The following LEPROT variants were observed in gnomAD, a reference collection of about 807,000 sequenced individuals.
LEPROT encodes the protein leptin receptor overlapping transcript, also known as leptin receptor gene-related protein.
Under a neutral mutation model 15.4 loss-of-function variants are expected in LEPROT, and 3 were observed. The observed-to-expected ratio is 0.19, with a 90% confidence interval of 0.09 to 0.50. The LOEUF is 0.50. Among genes scored for constraint, LEPROT ranks in the 20% least tolerant of loss-of-function variants. The pLI is 0.97. For synonymous variants in LEPROT, 59 were observed against 57.5 expected (o/e 1.03, Z -0.12); for missense variants, 137 against 162.2 (o/e 0.84, Z 0.84).
rs567817793 is a variant in LEPROT, at chr1:65,425,507, A to T, written c.92+129A>T. 93 of 673,442 alleles carry T rather than the reference A, an allele frequency of 1.4e-4. No individual in the cohort carries two copies. The African/African-American group carries it at 1.6e-3, about 12-fold the overall frequency. 41.7% of individuals were successfully genotyped at this position (673,442 alleles called of 1,614,324 possible). A position where few individuals can be genotyped will look rare whatever the true frequency, so the allele number is the denominator to read the frequency against. ...TGAGTTAGTGGAGCCCAGTTTATGA[A>T]CACAGTCCCTTTGTGGGTCAGGTGT... On this transcript the variant is annotated intron_variant, in intron 2 of 3. Transcript: ENST00000371065.
chr1:65,431,847 C>A lies in LEPROT; in HGVS notation c.324C>A (p.Val108=). The A allele has an allele frequency of 1.2e-6, 2 of 1,614,010 alleles. No individual in the cohort carries two copies. The highest frequency in any genetic ancestry group is 1.1e-5 in the South Asian group (1 of 91,032). The change falls in exon 4 of 4, where the codon GTC becomes GTA. Residue 108 remains valine (V), a synonymous_variant. Coordinates refer to ENST00000371065, the MANE Select transcript of LEPROT (RefSeq NM_017526.5). ...ACGLVLAGNA[V]IFLTIQGFFL... ...GCCTTGTGTTGGCAGGCAATGCAGT[C>A]ATTTTCCTTACAATTCAAGGGTTTT...
Position 65,435,694 on chromosome 1 carries a change from A to G in LEPROT, c.*3775A>G, listed in dbSNP as rs1646552745. 1.0e-6 allele frequency: 1 copy of G among 985,314 alleles called. No individual in the cohort carries two copies. The highest frequency in any genetic ancestry group is 1.2e-6 in the Non-Finnish European group (1 of 829,934). 61.0% of individuals were successfully genotyped at this position (985,314 alleles called of 1,614,324 possible). ...AATGTGCCTTTGCAAAGTTTGCGAA[A>G]TCAGATTTTGTATCCCAATAGAACC... On this transcript the variant is annotated 3_prime_UTR_variant, in exon 4 of 4. Coordinates refer to ENST00000371065, the MANE Select transcript of LEPROT (RefSeq NM_017526.5).
In LEPROT at chr1:65,429,938, T is replaced by A. The variant is rs1488169996; in HGVS notation, c.169T>A (p.Tyr57Asn). 2 of 1,570,202 alleles carry A rather than the reference T, an allele frequency of 1.3e-6. No individual in the cohort carries two copies. The change falls in exon 3 of 4, where the codon TAT (tyrosine) becomes AAT (asparagine). Residue 57 changes from tyrosine to asparagine, a missense_variant. Tyr to Asn is a moderately radical substitution (Grantham distance 143, BLOSUM62 -2). Coordinates refer to ENST00000371065, the MANE Select transcript of LEPROT (RefSeq NM_017526.5). ...IPHFIAKRVT[Y>N]DSDATSSACR... is the part of the protein sequence containing the mutation. Reference sequence around the variant, plus strand: ...CCATTTCATTGCCAAAAGAGTCACCTATGACTCAGATGCAACCAGTAGTGC... The same window carrying A: ...CCATTTCATTGCCAAAAGAGTCACCAATGACTCAGATGCAACCAGTAGTGC...
At chr1:65,430,444 A>G (rs1055345348) in intron 3 of LEPROT, 12 of 156,086 alleles carry the variant, frequency 7.7e-5, no homozygotes, top group Admixed American at 6.5e-4. Context: ...TCAACTCAGT[A>G]TAATAGGTAT....
rs145121923 is a variant in LEPROT, at chr1:65,432,606, A to T, written c.*687A>T. 9.9e-5 allele frequency: 97 copies of T among 984,106 alleles called. No individual in the cohort carries two copies. Among genetic ancestry groups the T allele is most frequent in the Middle Eastern group, 5.2e-4 (1 of 1,914 alleles). The allele number at this position is 984,106 out of a possible 1,614,324, so 61.0% of individuals were successfully genotyped here. ...AGTCTCACCTGCTTTCATGCTGAGG[A>T]CAAGTTCAGATGTTCAAGCCTATAA... On this transcript the variant is annotated 3_prime_UTR_variant, in exon 4 of 4. Coordinates refer to ENST00000371065, the MANE Select transcript of LEPROT (RefSeq NM_017526.5).
chr1:65,430,158 G>A (rs991957788), intron 3 of LEPROT, 110 bp downstream of exon 3: 34 of 982,078 alleles, frequency 3.5e-5, no homozygotes, highest in African/African-American at 5.0e-5. Flanking sequence ...ACTCAAGGCC[G>A]TGTGTTTTTA....
intron 1 of LEPROT, 24 bp downstream of exon 1, chr1:65,420,764 T>C (rs1224163577): frequency 2.5e-6 from 4 of 1,576,336 alleles, no homozygotes; most frequent in South Asian, 2.3e-5. Context: ...CCCGGCTCGC[T>C]TGTCGTGTGG....
chr1:65,432,085 T>G lies in LEPROT; in HGVS notation c.*166T>G, dbSNP rs1465528288. On this transcript the variant is annotated 3_prime_UTR_variant, in exon 4 of 4. Coordinates refer to ENST00000371065, the MANE Select transcript of LEPROT (RefSeq NM_017526.5). ...CTTCATAAGTAGGAGATGAGTTTTA[T>G]TCTCAGCAAATAGACCTGTCAAATT... is the stretch of plus-strand genomic sequence containing the variant. 10 of 1,336,894 alleles carry G rather than the reference T, an allele frequency of 7.5e-6. No individual in the cohort carries two copies. In the African/African-American group the frequency reaches 1.4e-4, roughly 18 times the overall value. 82.8% of individuals were successfully genotyped at this position (1,336,894 alleles called of 1,614,324 possible).
Position 65,421,231 on chromosome 1 carries a change from A to T in LEPROT, c.16+491A>T, listed in dbSNP as rs891026229. On this transcript the variant is annotated intron_variant, in intron 1 of 3. Coordinates refer to ENST00000371065, the MANE Select transcript of LEPROT (RefSeq NM_017526.5). ...TTGACCGCGGGCGGGTGTCAATGGA[A>T]AGCACCCAGAAAGACGGTGTTTCTC... The T allele has an allele frequency of 4.5e-6, 6 of 1,319,648 alleles. No individual in the cohort carries two copies. The South Asian group carries it at 8.2e-5, about 18-fold the overall frequency. 81.7% of individuals were successfully genotyped at this position (1,319,648 alleles called of 1,614,324 possible).
chr1:65,424,854 A>G (rs1268023119), intron 1 of LEPROT, among the ~76,000 whole-genome samples: 1 of 152,152 alleles, frequency 6.6e-6, no homozygotes, highest in Non-Finnish European at 1.5e-5. Flanking sequence ...TCATGACCTC[A>G]TCTGAACCTA....
At chr1:65,421,015 A>G (rs1418037252) in intron 1 of LEPROT, among the ~76,000 whole-genome samples, 1 of 152,006 alleles carries the variant, frequency 6.6e-6, no homozygotes, top group African/African-American at 2.4e-5. Context: ...CCTCGGCGAG[A>G]GCGGCGCCCT....
intron 1 of LEPROT, 78 bp from the exon 2 acceptor site, chr1:65,425,225 C>T (rs995479031): frequency 1.1e-5 from 13 of 1,226,930 alleles, no homozygotes; most frequent in Non-Finnish European, 1.3e-5. Context: ...TTAGAAGTCA[C>T]TCCCCATTTC....
At chr1:65,429,636 A>G (rs980639687) in intron 2 of LEPROT, among the ~76,000 whole-genome samples, 3 of 152,210 alleles carry the variant, frequency 2.0e-5, no homozygotes, top group African/African-American at 7.2e-5. Context: ...GGTATATATT[A>G]TATAGTGGCT....
In LEPROT at chr1:65,432,136, A is replaced by G; in HGVS notation, c.*217A>G. ...TAGATTATGTTACTCAAATTATGTTACTTGTTTGGCTGTTCATGTAGTCAC... is the reference window on the plus strand; with the variant it reads ...TAGATTATGTTACTCAAATTATGTTGCTTGTTTGGCTGTTCATGTAGTCAC... On this transcript the variant is annotated 3_prime_UTR_variant, in exon 4 of 4. Coordinates refer to ENST00000371065, the MANE Select transcript of LEPROT (RefSeq NM_017526.5). 8.1e-7 allele frequency: 1 copy of G among 1,228,158 alleles called. No individual in the cohort carries two copies. The highest frequency in any genetic ancestry group is 1.0e-6 in the Non-Finnish European group (1 of 981,620). 76.1% of individuals were successfully genotyped at this position (1,228,158 alleles called of 1,614,324 possible). A position where few individuals can be genotyped will look rare whatever the true frequency, so the allele number is the denominator to read the frequency against.
intron 1 of LEPROT, chr1:65,421,472 T>C: frequency 1.3e-6 from 2 of 1,536,118 alleles, no homozygotes; most frequent in Non-Finnish European, 1.7e-6. Context: ...AGGAAAACAT[T>C]CCATTTCTAA....
chr1:65,428,011 C>G (rs938663985), intron 2 of LEPROT: 3 of 155,540 alleles, frequency 1.9e-5, no homozygotes, highest in African/African-American at 7.2e-5. Flanking sequence ...TGAAATACAG[C>G]CATGCTCATT....
Position 65,433,337 on chromosome 1 carries a change from T to C in LEPROT, c.*1418T>C. The C allele has an allele frequency of 1.0e-6, 1 of 985,436 alleles. No homozygotes were observed. Among genetic ancestry groups the C allele is most frequent in the Non-Finnish European group, 1.2e-6 (1 of 829,924 alleles). 61.0% of individuals were successfully genotyped at this position (985,436 alleles called of 1,614,324 possible). On this transcript the variant is annotated 3_prime_UTR_variant, in exon 4 of 4. Transcript: ENST00000371065. The stretch of plus-strand genomic sequence containing the variant: ...CCTGTAGGTCTTTTCTATATAACTT[T>C]ATGCCACCCTTAAATGAATCATTGG...
chr1:65,432,540 C>T lies in LEPROT; in HGVS notation c.*621C>T. 1.2e-6 allele frequency: 1 copy of T among 839,690 alleles called. No homozygotes were observed. Among genetic ancestry groups the T allele is most frequent in the Non-Finnish European group, 1.4e-6 (1 of 698,304 alleles). The allele number at this position is 839,690 out of a possible 1,614,324, so 52.0% of individuals were successfully genotyped here. ...TTCCAGTGGCTAAACCACTTAACCT[C>T]TCTGGGTGTTACCTGCTCATTTGTT... On this transcript the variant is annotated 3_prime_UTR_variant, in exon 4 of 4. Coordinates refer to ENST00000371065, the MANE Select transcript of LEPROT (RefSeq NM_017526.5).
In LEPROT at chr1:65,435,002, C is replaced by G. The variant is rs1437705609; in HGVS notation, c.*3083C>G. On this transcript the variant is annotated 3_prime_UTR_variant, in exon 4 of 4. Transcript: ENST00000371065. ...GACTGCCATTCCCATGACTGCTGCACCTGCGTTTTTAGAGAATGCCTCATA... is the reference window on the plus strand; with the variant it reads ...GACTGCCATTCCCATGACTGCTGCAGCTGCGTTTTTAGAGAATGCCTCATA... The G allele has an allele frequency of 8.1e-6, 8 of 985,312 alleles. No homozygotes were observed. The Admixed American group carries it at 3.7e-4, about 45-fold the overall frequency. The allele number at this position is 985,312 out of a possible 1,614,324, so 61.0% of individuals were successfully genotyped here.
Sources: allele counts gnomAD v4.1 joint callset (sites outside exome capture counted in the v4.1 genomes callset), GRCh38; gene constraint gnomAD v4.1.1; transcripts MANE v1.5; gene names NCBI Gene and HGNC (gene_info 2026-07-23, HGNC 2026-07-21).